Variants in TNFRSF19 observed in about 807,000 individuals in gnomAD.
The protein encoded by TNFRSF19 is tumor necrosis factor receptor superfamily member 19.
Under a neutral mutation model 46.4 loss-of-function variants are expected in TNFRSF19, and 27 were observed. That is an observed-to-expected ratio of 0.58 (90% confidence interval 0.43 to 0.80). The LOEUF (loss-of-function observed/expected upper bound fraction) is 0.80. Among genes scored for constraint, TNFRSF19 ranks in the 30% least tolerant of loss-of-function variants. TNFRSF19 has a pLI of 0.00. For missense variants in TNFRSF19, 511 were observed against 530.8 expected (o/e 0.96, Z 0.37); for synonymous variants, 204 against 205.0 (o/e 1.00, Z 0.04).
rs1478269124 is a variant in TNFRSF19, at chr13:23,659,079, G to A, written c.475G>A (p.Ala159Thr). Residue 159 changes from alanine to threonine, a missense_variant, in exon 6 of 10, where the codon GCG becomes ACG. Physicochemically the swap from Ala to Thr is moderately conservative, Grantham distance 58 (BLOSUM62 0). Around this residue, in one of 3 missense-constraint regions of TNFRSF19, gnomAD observed 376 missense variants for 372.7 expected, o/e 1.01. Coordinates refer to ENST00000248484, the MANE Select transcript of TNFRSF19 (RefSeq NM_148957.4). This position sits in a 1 kb window ranked among gnomAD's most constrained non-coding sequence, Gnocchi z 4.9. Reference protein sequence around the residue: ...CASKVNLVKIASTASSPRDTA... With the variant: ...CASKVNLVKITSTASSPRDTA... ...CAGCAAGGTCAACCTCGTGAAGATC[G>A]CGTCCACGGCCTCCAGCCCACGGGA... is the stretch of plus-strand genomic sequence containing the variant. 11 of 1,613,600 alleles carry A rather than the reference G, an allele frequency of 6.8e-6. 1 individual carries two copies. The highest frequency in any genetic ancestry group is 2.2e-5 in the East Asian group (1 of 44,882).
intron 1 of TNFRSF19, among the ~76,000 whole-genome samples, chr13:23,575,141 G>A (rs1247949492): frequency 6.6e-6 from 1 of 152,184 alleles, no homozygotes; most frequent in South Asian, 2.1e-4. Flanking sequence ...CCTAGGTCGG[G>A]GAGTCCACCA....
intron 4 of TNFRSF19, among the ~76,000 whole-genome samples, chr13:23,618,142 CT>C (rs1218480401): frequency 2.0e-5 from 3 of 152,100 alleles, no homozygotes; most frequent in Non-Finnish European, 4.4e-5. Context: ...CTCTGTTGGA[CT>C]TTATCAAAAT....
intron 5 of TNFRSF19, among the ~76,000 whole-genome samples, chr13:23,644,965 C>T (rs1593282732): frequency 6.6e-6 from 1 of 152,324 alleles, no homozygotes. Flanking sequence ...CTAAACAACC[C>T]ACTTCAGTAA....
At chr13:23,668,188 T>C in intron 8 of TNFRSF19, 106 bp downstream of exon 8, 1 of 1,039,392 alleles carries the variant, frequency 9.6e-7, no homozygotes, top group Non-Finnish European at 1.4e-6. Context: ...ACCTCTTAAA[T>C]ATTAATGACA....
chr13:23,578,894 G>T (rs1462716857), intron 1 of TNFRSF19, among the ~76,000 whole-genome samples: 3 of 152,214 alleles, frequency 2.0e-5, no homozygotes, highest in Non-Finnish European at 4.4e-5. Context: ...CCCGGGAGGC[G>T]TCCGTGGGAA....
At chr13:23,577,207 A>G (rs1411804813) in intron 1 of TNFRSF19, among the ~76,000 whole-genome samples, 1 of 152,256 alleles carries the variant, frequency 6.6e-6, no homozygotes, top group Non-Finnish European at 1.5e-5. Flanking sequence ...CATTCAGGCT[A>G]ACAATAGGTT....
At chr13:23,652,250 A>G (rs1197353682) in intron 5 of TNFRSF19, among the ~76,000 whole-genome samples, 1 of 152,176 alleles carries the variant, frequency 6.6e-6, no homozygotes, top group Admixed American at 6.5e-5. Context: ...ATGTCAGATT[A>G]ATACGACTAA....
intron 3 of TNFRSF19, among the ~76,000 whole-genome samples, chr13:23,600,861 A>G (rs886545627): frequency 2.0e-5 from 3 of 152,160 alleles, no homozygotes; most frequent in Non-Finnish European, 4.4e-5. Flanking sequence ...AGCTCCTTCT[A>G]CCCAGTGTAT....
chr13:23,664,522 C>T lies in TNFRSF19; in HGVS notation c.737-3458C>T, dbSNP rs139597013. On this transcript the variant is annotated intron_variant, in intron 7 of 9. Coordinates refer to ENST00000248484, the MANE Select transcript of TNFRSF19 (RefSeq NM_148957.4). The stretch of plus-strand genomic sequence containing the variant: ...CTCTACAAGTCTGTCCCAGTTCCCC[C>T]GTCCTCTTACTACTTTACAGTTCTG... Among the ~76,000 whole-genome samples, 1,036 of 152,326 alleles carry T rather than the reference C, an allele frequency of 6.8e-3. 44 individuals carry two copies. The highest frequency in any genetic ancestry group is 0.062 in the Admixed American group (953 of 15,292).
At chr13:23,597,366 A>G (rs189000303) in intron 3 of TNFRSF19, among the ~76,000 whole-genome samples, 1 of 152,130 alleles carries the variant, frequency 6.6e-6, no homozygotes, top group Non-Finnish European at 1.5e-5. Flanking sequence ...AATAAAGATG[A>G]AAAGAGAAAA....
At chr13:23,598,624 C>T (rs1879907626) in intron 3 of TNFRSF19, among the ~76,000 whole-genome samples, 1 of 152,138 alleles carries the variant, frequency 6.6e-6, no homozygotes, top group Non-Finnish European at 1.5e-5. Context: ...CCCAGGAGCA[C>T]TTTAAATATA....
intron 5 of TNFRSF19, among the ~76,000 whole-genome samples, chr13:23,641,592 A>G (rs559517907): frequency 6.6e-6 from 1 of 152,272 alleles, no homozygotes; most frequent in South Asian, 2.1e-4. Flanking sequence ...CAGCCTCCCA[A>G]AGTGCTGGGA....
At chr13:23,634,815 C>T (rs930455265) in intron 5 of TNFRSF19, among the ~76,000 whole-genome samples, 1 of 152,120 alleles carries the variant, frequency 6.6e-6, no homozygotes, top group African/African-American at 2.4e-5. Context: ...GGTTCACGGT[C>T]TAAGGAAGAC....
intron 4 of TNFRSF19, among the ~76,000 whole-genome samples, chr13:23,621,072 C>T (rs1016633281): frequency 7.2e-5 from 11 of 152,092 alleles, no homozygotes; most frequent in Admixed American, 2.0e-4. Context: ...GGGAGGTCAC[C>T]GCTGGGGCTT....
intron 3 of TNFRSF19, among the ~76,000 whole-genome samples, chr13:23,597,678 G>C (rs907510225): frequency 6.6e-6 from 1 of 152,154 alleles, no homozygotes; most frequent in African/African-American, 2.4e-5. Flanking sequence ...ACAAAGAGGA[G>C]CTGGTACCAT....
At chr13:23,626,657 G>C in intron 4 of TNFRSF19, 50 bp from the exon 5 acceptor site, 1 of 1,577,174 alleles carries the variant, frequency 6.3e-7, no homozygotes, top group Admixed American at 1.7e-5. Flanking sequence ...GACCACAACT[G>C]TAAGCTTAGA....
At chr13:23,617,742 T>C (rs952485001) in intron 4 of TNFRSF19, among the ~76,000 whole-genome samples, 1 of 152,240 alleles carries the variant, frequency 6.6e-6, no homozygotes, top group Admixed American at 6.5e-5. Flanking sequence ...TCTCATGAAT[T>C]ATTTTCTATA....
chr13:23,641,763 A>T (rs1393744805), intron 5 of TNFRSF19, among the ~76,000 whole-genome samples: 1 of 152,246 alleles, frequency 6.6e-6, no homozygotes, highest in Non-Finnish European at 1.5e-5. Flanking sequence ...GTCCTTTGAG[A>T]TACTTAGATA....
chr13:23,661,793 G>C (rs946694998), intron 7 of TNFRSF19, among the ~76,000 whole-genome samples: 4 of 152,154 alleles, frequency 2.6e-5, no homozygotes, highest in African/African-American at 9.7e-5. Context: ...CTAATCATCA[G>C]TGCTGTTGAG....
Sources: gnomAD v4.1 joint callset for allele counts (sites outside exome capture counted in the v4.1 genomes callset) on GRCh38, gnomAD v4.1.1 for gene constraint, gnomAD v4.1.1 regional missense constraint, Gnocchi (gnomAD v3.1) non-coding constraint, MANE v1.5 for transcripts, NCBI Gene and HGNC (gene_info 2026-07-23, HGNC 2026-07-21) for gene names.